RAPGEF3: variants seen among roughly 807,000 people sequenced by gnomAD.
RAPGEF3 encodes the protein Rap guanine nucleotide exchange factor 3.
A neutral mutation model predicts 129.8 loss-of-function variants in RAPGEF3; 103 were observed. The ratio of observed to expected loss-of-function variants is 0.79; its 90% CI spans 0.68 to 0.93. The LOEUF is 0.93. Among genes scored for constraint, RAPGEF3 ranks in the 40% least tolerant of loss-of-function variants. The pLI is 0.00. For missense variants in RAPGEF3, 1,117 were observed against 1,207.4 expected (o/e 0.93, Z 1.11); for synonymous variants, 436 against 482.6 (o/e 0.90, Z 1.26).
chr12:47,742,832 C>T (rs964251188), intron 18 of RAPGEF3, among the ~76,000 whole-genome samples: 12 of 152,158 alleles, frequency 7.9e-5, no homozygotes, highest in African/African-American at 2.7e-4. Context: ...GGGAGTCCAC[C>T]GTCTATGCTC....
chr12:47,743,611 C>G lies in RAPGEF3; in HGVS notation c.1744G>C (p.Val582Leu), dbSNP rs899984014. Reference sequence around the variant, plus strand: ...GCCAACGCTGCCATCACCTCTCTCACGGAGGCTGTCACAGGCAGCTGCAGG... The same window carrying G: ...GCCAACGCTGCCATCACCTCTCTCAGGGAGGCTGTCACAGGCAGCTGCAGG... ...LTLQLPVTASVREVMAALAQE... is the reference protein window; with the variant it reads ...LTLQLPVTASLREVMAALAQE... The change falls in exon 18 of 28, where the codon GTG becomes CTG. Residue 582 changes from valine (V) to leucine (L), a missense_variant. Around this residue, in one of 3 missense-constraint regions of RAPGEF3, gnomAD observed 643 missense variants for 673.4 expected, o/e 0.95. Coordinates refer to ENST00000449771, the MANE Select transcript of RAPGEF3 (RefSeq NM_001098531.4). 1 of 1,613,952 alleles carries G rather than the reference C, an allele frequency of 6.2e-7. No homozygotes were observed. The highest frequency in any genetic ancestry group is 8.5e-7 in the Non-Finnish European group (1 of 1,179,906).
At chr12:47,750,264 A>G in intron 7 of RAPGEF3, 77 bp downstream of exon 7, 1 of 1,436,154 alleles carries the variant, frequency 7.0e-7, no homozygotes, top group Non-Finnish European at 9.8e-7. Context: ...CCTCTGGCCC[A>G]GCAGTTGGAG....
In RAPGEF3 at chr12:47,736,884, G is replaced by A. The variant is rs1200616967; in HGVS notation, c.*683C>T. 6.6e-6 allele frequency: 1 copy of A among 152,312 alleles called. No individual in the cohort carries two copies. The highest frequency in any genetic ancestry group is 1.5e-5 in the Non-Finnish European group (1 of 68,088). The allele number at this position is 152,312 out of a possible 1,614,324, so 9.4% of individuals were successfully genotyped here. A position where few individuals can be genotyped will look rare whatever the true frequency, so the allele number is the denominator to read the frequency against. ...GCCAGAGCCCTGGAGGCACATCTGG[G>A]TGGCATCAGGATCTTGGACCCAGTC... On this transcript the variant is annotated 3_prime_UTR_variant, in exon 28 of 28. Transcript: ENST00000449771.
chr12:47,743,658 C>A lies in RAPGEF3; in HGVS notation c.1697G>T (p.Arg566Leu), dbSNP rs202109036. ...CAGGGTCAACACTGAGTGGTCTGGC[C>A]GGCAGATGTCATAGGGGACTGAAGA... Reference protein sequence around the residue: ...VGDKVPYDICRPDHSVLTLQL... With the variant: ...VGDKVPYDICLPDHSVLTLQL... Residue 566 changes from arginine (R) to leucine (L), a missense_variant, in exon 18 of 28, where the codon CGG becomes CTG. By Grantham distance (102) the Arg-to-Leu change is moderately radical. Transcript: ENST00000449771. The A allele has an allele frequency of 4.6e-5, 74 of 1,609,470 alleles. No homozygotes were observed. The highest frequency in any genetic ancestry group is 5.6e-5 in the Non-Finnish European group (66 of 1,176,378).
At position 47,739,181 on chromosome 12, in the gene RAPGEF3, G is replaced by T. The variant is rs1272824709; in HGVS notation, c.2423C>A (p.Ser808Tyr). 2 of 1,609,454 alleles carry T rather than the reference G, an allele frequency of 1.2e-6. No individual in the cohort carries two copies. Among genetic ancestry groups the T allele is most frequent in the African/African-American group, 2.7e-5 (2 of 74,664 alleles). ...GGGCATGAAGGGGATGACAGGAGGG[G>T]AGAGCTTGGCGAGGGCCAGTCGGTA... ...RVYRLALAKL[S>Y]PPVIPFMPLL... The change falls in exon 24 of 28, where the codon TCC becomes TAC. Residue 808 changes from serine (S) to tyrosine (Y), a missense_variant. By Grantham distance (144) the Ser-to-Tyr change is moderately radical (BLOSUM62 -2). This residue lies in a region of RAPGEF3 where 643 missense variants were observed against 673.4 expected (regional missense o/e 0.95). Transcript: ENST00000449771.
intron 25 of RAPGEF3, 139 bp from the exon 26 acceptor site, chr12:47,738,386 C>A: frequency 8.4e-7 from 1 of 1,193,672 alleles, no homozygotes; most frequent in Non-Finnish European, 1.2e-6. Flanking sequence ...ATCATGTGTA[C>A]TTCGCCTCAG....
At position 47,749,942 on chromosome 12, in the gene RAPGEF3, C is replaced by T; in HGVS notation, c.805G>A (p.Ala269Thr). 1 of 1,614,252 alleles carries T rather than the reference C, an allele frequency of 6.2e-7. No homozygotes were observed. Among genetic ancestry groups the T allele is most frequent in the Non-Finnish European group, 8.5e-7 (1 of 1,180,044 alleles). Residue 269 changes from alanine (A) to threonine (T), a missense_variant, in exon 8 of 28, where the codon GCA (alanine) becomes ACA (threonine). Ala to Thr is a moderately conservative substitution (Grantham distance 58, BLOSUM62 0). Around this residue, in one of 3 missense-constraint regions of RAPGEF3, gnomAD observed 367 missense variants for 373.4 expected, o/e 0.98. Transcript: ENST00000449771. This position sits in a 1 kb window ranked among gnomAD's most constrained non-coding sequence, Gnocchi z 4.5. ...CTGCTGGACTTACACACGGTCCCTG[C>T]CTTGCTGTGTGGTTCAAAGAGCAGA... is the stretch of plus-strand genomic sequence containing the variant. ...AVLLFEPHSK[A>T]GTVLFSQGDK... is the part of the protein sequence containing the mutation.
intron 25 of RAPGEF3, 102 bp from the exon 26 acceptor site, chr12:47,738,349 G>T: frequency 6.8e-7 from 1 of 1,460,134 alleles, no homozygotes; most frequent in Non-Finnish European, 9.4e-7. Context: ...CAAGGATCAG[G>T]GACTGTAAGA....
Position 47,758,800 on chromosome 12 carries a change from G to C in RAPGEF3, c.-244C>G. 5 of 1,236,240 alleles carry C rather than the reference G, an allele frequency of 4.0e-6. No individual in the cohort carries two copies. The South Asian group carries it at 1.7e-4, about 41-fold the overall frequency. The allele number at this position is 1,236,240 out of a possible 1,614,324, so 76.6% of individuals were successfully genotyped here. On this transcript the variant is annotated 5_prime_UTR_variant, in exon 1 of 28. Coordinates refer to ENST00000449771, the MANE Select transcript of RAPGEF3 (RefSeq NM_001098531.4). ...GGTGGGGGGACGCCACCCAGCCACC[G>C]GCGACAGGGAGCCCCGAGCCTGCGC...
intron 2 of RAPGEF3, chr12:47,752,821 G>C (rs984924750): frequency 3.3e-5 from 5 of 152,252 alleles, no homozygotes; most frequent in African/African-American, 1.2e-4. Flanking sequence ...CCCTGCGAGA[G>C]TGAATAAGTC....
rs781317459 is a variant in RAPGEF3, at chr12:47,751,453, TC to T, written c.447del (p.Ser150AlafsTer19). 1 of 1,614,084 alleles carries T rather than the reference TC, an allele frequency of 6.2e-7. No homozygotes were observed. Among genetic ancestry groups the T allele is most frequent in the South Asian group, 1.1e-5 (1 of 91,084 alleles). ...ILALGLGVHS[R>X]SQVVGICQVL... ...ACCTGGCAGATTCCCACAACTTGGC[TC>T]CGGGAATGGACCCCAAGTCCCAGGG... On this transcript the variant is annotated frameshift_variant, in exon 5 of 28. Transcript: ENST00000449771. LOFTEE classifies it high-confidence loss of function.
chr12:47,743,946 T>G (rs1592546969), intron 17 of RAPGEF3, 41 bp downstream of exon 17: 1 of 1,528,872 alleles, frequency 6.5e-7, no homozygotes, highest in African/African-American at 1.4e-5. Context: ...GACAGCAGGG[T>G]GCAGATGTCG....
In RAPGEF3 at chr12:47,744,005, T is replaced by C; in HGVS notation, c.1660A>G (p.Ile554Val). The stretch of plus-strand genomic sequence containing the variant: ...CACCAACCTTTATCCCCAACTTGGA[T>C]GGCACAGCTGCTGCCAGGAAGGGGC... ...DEPLPGSSCAIQVGDKVPYDI... is the reference protein window; with the variant it reads ...DEPLPGSSCAVQVGDKVPYDI... The change falls in exon 17 of 28, where the codon ATC (isoleucine) becomes GTC (valine). Residue 554 changes from isoleucine (I) to valine (V), a missense_variant. Ile to Val is a conservative substitution (Grantham distance 29). Coordinates refer to ENST00000449771, the MANE Select transcript of RAPGEF3 (RefSeq NM_001098531.4). 1 of 1,610,258 alleles carries C rather than the reference T, an allele frequency of 6.2e-7. No individual in the cohort carries two copies. The highest frequency in any genetic ancestry group is 2.2e-5 in the East Asian group (1 of 44,860).
chr12:47,741,219 C>T, intron 19 of RAPGEF3, 179 bp from the exon 20 acceptor site: 1 of 835,728 alleles, frequency 1.2e-6, no homozygotes, highest in Non-Finnish European at 1.8e-6. Context: ...CTCCCCAGTG[C>T]TGAGACCCCT....
chr12:47,734,824 G>A lies in RAPGEF3; in HGVS notation c.*2743C>T, dbSNP rs923598548. On this transcript the variant is annotated 3_prime_UTR_variant, in exon 28 of 28. Coordinates refer to ENST00000449771, the MANE Select transcript of RAPGEF3 (RefSeq NM_001098531.4). ...AGCTCTAACTCAGTGCTGAGTGGAG[G>A]GGGATGGGGTGCCGGATCTCAGGCT... 4 of 152,276 alleles carry A rather than the reference G, an allele frequency of 2.6e-5. No homozygotes were observed. The highest frequency in any genetic ancestry group is 4.4e-5 in the Non-Finnish European group (3 of 68,058). The allele number at this position is 152,276 out of a possible 1,614,324, so 9.4% of individuals were successfully genotyped here. A position where few individuals can be genotyped will look rare whatever the true frequency, so the allele number is the denominator to read the frequency against.
chr12:47,748,243 C>G, intron 12 of RAPGEF3, 91 bp from the exon 13 acceptor site: 3 of 1,150,222 alleles, frequency 2.6e-6, no homozygotes, highest in Non-Finnish European at 3.8e-6. Context: ...CCCTTCCCCA[C>G]ATCCCACCAC....
At chr12:47,748,251 C>A in intron 12 of RAPGEF3, 99 bp from the exon 13 acceptor site, 1 of 1,101,688 alleles carries the variant, frequency 9.1e-7, no homozygotes. Flanking sequence ...CACATCCCAC[C>A]ACCTGCAAGG....
chr12:47,748,606 C>T (rs1941570443), intron 11 of RAPGEF3, 64 bp from the exon 12 acceptor site: 4 of 1,372,720 alleles, frequency 2.9e-6, no homozygotes, highest in Middle Eastern at 3.6e-4. Flanking sequence ...CCTGGGCAGA[C>T]ATCAATAATC....
intron 18 of RAPGEF3, among the ~76,000 whole-genome samples, chr12:47,742,506 G>T (rs1036940248): frequency 6.6e-6 from 1 of 152,128 alleles, no homozygotes; most frequent in African/African-American, 2.4e-5. Context: ...CTTCTTGAAC[G>T]CCCCTAATTC....
Sources: allele counts gnomAD v4.1 joint callset (sites outside exome capture counted in the v4.1 genomes callset), GRCh38; gene constraint gnomAD v4.1.1; regional missense constraint gnomAD v4.1.1; non-coding constraint Gnocchi (gnomAD v3.1); transcripts MANE v1.5; gene names NCBI Gene and HGNC (gene_info 2026-07-23, HGNC 2026-07-21).